Variants in GCNT1 observed in about 807,000 individuals in gnomAD.
GCNT1 encodes glucosaminyl (N-acetyl) transferase 1, also known as beta-1,3-galactosyl-O-glycosyl-glycoprotein beta-1,6-N-acetylglucosaminyltransferase.
In GCNT1, 16 loss-of-function variants were observed where a neutral mutation model predicts 26.2. The ratio of observed to expected loss-of-function variants is 0.61; its 90% CI spans 0.41 to 0.93. GCNT1 has a LOEUF of 0.93. Ranked by LOEUF, GCNT1 falls within the 40% of genes least tolerant of loss-of-function variation. The pLI is 0.00. For synonymous variants in GCNT1, 183 were observed against 190.8 expected (o/e 0.96, Z 0.34); for missense variants, 477 against 526.7 (o/e 0.91, Z 0.92).
chr9:76,398,751 T>G, the GCNT1 span: 1 of 1,285,748 alleles, frequency 7.8e-7, no homozygotes, highest in Non-Finnish European at 1.1e-6. Flanking sequence ...GTCCTTAAGT[T>G]CCTTGCAGCA....
At position 76,428,662 on chromosome 9, in the gene GCNT1, T is replaced by C. The variant is rs114628809; in HGVS notation, n.38+8775T>C. On this transcript the variant is annotated intron_variant and non_coding_transcript_variant, in intron 1 of 3. Transcript: ENST00000488136. ...TTCACTCAACATTGTATTTTCAAGA[T>C]ACCTTTACTTTGAATAACGTAGCTG... 2.5e-3 allele frequency among the ~76,000 whole-genome samples: 386 copies of C among 151,854 alleles called. 1 individual carries two copies. Among genetic ancestry groups the C allele is most frequent in the African/African-American group, 9.0e-3 (374 of 41,458 alleles).
chr9:76,485,572 T>G (rs1363864504), intron 2 of GCNT1, among the ~76,000 whole-genome samples: 1 of 152,180 alleles, frequency 6.6e-6, no homozygotes, highest in Non-Finnish European at 1.5e-5. Flanking sequence ...GGTTCTCTGT[T>G]TCTCTCAAAT....
chr9:76,426,567 C>A (rs1268375100), intron 1 of GCNT1, among the ~76,000 whole-genome samples: 3 of 148,134 alleles, frequency 2.0e-5, no homozygotes, highest in East Asian at 3.9e-4. Context: ...GATCGTGTCT[C>A]AAAAAAAAAG....
At chr9:76,403,285 C>T in the GCNT1 span, among the ~76,000 whole-genome samples, 1 of 152,212 alleles carries the variant, frequency 6.6e-6, no homozygotes, top group African/African-American at 2.4e-5. Flanking sequence ...AAAATCGATA[C>T]TCCACAAATA....
At chr9:76,415,387 C>G (rs1225217099), upstream of GCNT1, among the ~76,000 whole-genome samples, 1 of 152,144 alleles carries the variant, frequency 6.6e-6, no homozygotes, top group Non-Finnish European at 1.5e-5. Flanking sequence ...CTGTCTCTGC[C>G]CCTTGGATTT....
At chr9:76,396,246 C>CT in the GCNT1 span, among the ~76,000 whole-genome samples, 1 of 152,170 alleles carries the variant, frequency 6.6e-6, no homozygotes, top group African/African-American at 2.4e-5. Context: ...ATTTTTCACA[C>CT]TGTCTCATGT....
rs533978789 is a variant in GCNT1, at chr9:76,463,769, G to A, written c.-290+3592G>A. ...ATGAGCCAAACACATAGTCACACCGGCTCAGGCTATCACAATCTTAAGTGG... is the reference window on the plus strand; with the variant it reads ...ATGAGCCAAACACATAGTCACACCGACTCAGGCTATCACAATCTTAAGTGG... On this transcript the variant is annotated intron_variant, in intron 2 of 3. Coordinates refer to ENST00000376730, the MANE Select transcript of GCNT1 (RefSeq NM_001490.5). Among the ~76,000 whole-genome samples, 4 of 152,128 alleles carry A rather than the reference G, an allele frequency of 2.6e-5. No individual in the cohort carries two copies. The South Asian group carries it at 8.3e-4, about 32-fold the overall frequency.
intron 1 of GCNT1, chr9:76,420,579 G>A (rs917018178): frequency 6.6e-6 from 1 of 151,968 alleles, no homozygotes; most frequent in Non-Finnish European, 1.5e-5. Context: ...CCAGCCCAAA[G>A]TATAACAGTT....
chr9:76,401,467 G>A, the GCNT1 span, among the ~76,000 whole-genome samples: 2 of 152,098 alleles, frequency 1.3e-5, no homozygotes, highest in Non-Finnish European at 2.9e-5. Context: ...TGTATTTGTG[G>A]TTCAAACTCA....
At chr9:76,443,990 GAAGA>G (rs1396077066) in intron 1 of GCNT1, among the ~76,000 whole-genome samples, 1 of 73,646 alleles carries the variant, frequency 1.4e-5, no homozygotes, top group Non-Finnish European at 3.3e-5. Flanking sequence ...AGGAAGGAAG[GAAGA>G]AAAAAAGAGC....
chr9:76,463,548 T>A (rs1177788927), intron 2 of GCNT1, among the ~76,000 whole-genome samples: 1 of 152,206 alleles, frequency 6.6e-6, no homozygotes, highest in Non-Finnish European at 1.5e-5. Flanking sequence ...TACTAAGAAA[T>A]CCTCCCATGA....
At chr9:76,461,194 C>CG (rs991244687) in intron 2 of GCNT1, among the ~76,000 whole-genome samples, 1 of 125,978 alleles carries the variant, frequency 7.9e-6, no homozygotes, top group Non-Finnish European at 1.6e-5. Flanking sequence ...GTGTAGGCAG[C>CG]TTTTTTTTTT....
rs756302676 is a variant in GCNT1 at position 76,503,256 on chromosome 9, G to T, written c.875G>T (p.Ser292Ile). 2 of 1,614,172 alleles carry T rather than the reference G, an allele frequency of 1.2e-6. No homozygotes were observed. Among genetic ancestry groups the T allele is most frequent in the Non-Finnish European group, 1.7e-6 (2 of 1,180,032 alleles). The part of the protein sequence containing the change: ...LFSGSAYFVV[S>I]REYVGYVLQN... Reference sequence around the variant, plus strand: ...TCTGGCAGTGCCTACTTCGTGGTCAGTAGGGAGTATGTGGGGTATGTACTA... The same window carrying T: ...TCTGGCAGTGCCTACTTCGTGGTCATTAGGGAGTATGTGGGGTATGTACTA... Residue 292 changes from serine (S) to isoleucine (I), a missense_variant, in exon 4 of 4, where the codon AGT becomes ATT. Coordinates refer to ENST00000376730, the MANE Select transcript of GCNT1 (RefSeq NM_001490.5).
At chr9:76,482,479 C>T (rs139528579) in intron 2 of GCNT1, among the ~76,000 whole-genome samples, 4,247 of 150,768 alleles carry the variant, frequency 0.028, 196 homozygotes, top group African/African-American at 0.098. Flanking sequence ...AAAAAATTAG[C>T]CGGGCGTGGT....
intron 1 of GCNT1, among the ~76,000 whole-genome samples, chr9:76,450,109 G>A (rs1448457951): frequency 6.6e-6 from 1 of 152,012 alleles, no homozygotes; most frequent in Non-Finnish European, 1.5e-5. Flanking sequence ...TGTAACTGAT[G>A]GTGTGTAAAT....
chr9:76,479,722 G>A (rs1442606373), intron 2 of GCNT1, among the ~76,000 whole-genome samples: 2 of 152,138 alleles, frequency 1.3e-5, no homozygotes, highest in East Asian at 1.9e-4. Flanking sequence ...GTTTTTGTTT[G>A]TAAATTTGTT....
chr9:76,498,508 C>A (rs949384955), intron 2 of GCNT1, among the ~76,000 whole-genome samples: 1 of 152,114 alleles, frequency 6.6e-6, no homozygotes, highest in Non-Finnish European at 1.5e-5. Flanking sequence ...TGCAGTGGCT[C>A]ACCCCTGTAA....
At chr9:76,498,583 G>A (rs920604975) in intron 2 of GCNT1, among the ~76,000 whole-genome samples, 1 of 151,954 alleles carries the variant, frequency 6.6e-6, no homozygotes, top group Non-Finnish European at 1.5e-5. Flanking sequence ...GACCAACCAG[G>A]CCAACATCAT....
the GCNT1 span, chr9:76,399,079 C>A: frequency 1.9e-6 from 3 of 1,595,230 alleles, no homozygotes; most frequent in South Asian, 3.3e-5. Flanking sequence ...TTACTGACCC[C>A]AGGGCTGACC....
Sources: allele counts gnomAD v4.1 joint callset (sites outside exome capture counted in the v4.1 genomes callset), GRCh38; gene constraint gnomAD v4.1.1; transcripts MANE v1.5; gene names NCBI Gene and HGNC (gene_info 2026-07-23, HGNC 2026-07-21).